The following ARFGEF2 variants were observed in gnomAD, a reference collection of about 807,000 sequenced individuals.
ARFGEF2 encodes ARF guanine nucleotide exchange factor 2.
Under a neutral mutation model 219.9 loss-of-function variants are expected in ARFGEF2, and 74 were observed. The ratio of observed to expected loss-of-function variants is 0.34; its 90% CI spans 0.28 to 0.41. ARFGEF2 has a LOEUF of 0.41. Among genes scored for constraint, ARFGEF2 ranks in the 10% least tolerant of loss-of-function variants. The probability of loss-of-function intolerance (pLI) is 1.00; values close to 1 mark genes in which losing one functional copy is unlikely to be tolerated. For missense variants in ARFGEF2, 1,743 were observed against 2,218.3 expected, an observed-to-expected ratio of 0.79 and a Z score of 4.30; for synonymous variants, 733 against 799.2, an observed-to-expected ratio of 0.92 and a Z score of 1.40.
intron 26 of ARFGEF2, among the ~76,000 whole-genome samples, chr20:49,008,561 C>A (rs868522576): frequency 1.9e-4 from 27 of 140,334 alleles, no homozygotes; most frequent in African/African-American, 2.3e-4. Flanking sequence ...AACTCCATCT[C>A]AAAAAAAAAA....
chr20:48,933,088 G>T (rs576038667), intron 1 of ARFGEF2, among the ~76,000 whole-genome samples: 2 of 152,256 alleles, frequency 1.3e-5, no homozygotes, highest in South Asian at 4.1e-4. Flanking sequence ...TGACCCGAGC[G>T]GTAACATCCA....
intron 1 of ARFGEF2, among the ~76,000 whole-genome samples, chr20:48,936,270 C>T (rs1276706692): frequency 6.8e-6 from 1 of 147,954 alleles, no homozygotes; most frequent in Non-Finnish European, 1.5e-5. Context: ...CCACCCCTGC[C>T]GGACGGGGCG....
intron 36 of ARFGEF2, among the ~76,000 whole-genome samples, chr20:49,027,114 C>T (rs1011655922): frequency 8.6e-5 from 13 of 150,842 alleles, no homozygotes; most frequent in African/African-American, 2.9e-4. Flanking sequence ...GAGATGGAGT[C>T]TCACTCTGTT....
chr20:49,020,816 T>C (rs543382612), intron 34 of ARFGEF2, among the ~76,000 whole-genome samples: 6 of 152,218 alleles, frequency 3.9e-5, no homozygotes, highest in East Asian at 1.9e-4. Context: ...TTTCTTTCAA[T>C]AGGAGAAGCA....
At chr20:49,004,657 C>T (rs757112376) in intron 25 of ARFGEF2, among the ~76,000 whole-genome samples, 14 of 149,840 alleles carry the variant, frequency 9.3e-5, no homozygotes, top group African/African-American at 2.5e-4. Flanking sequence ...AAAAATCAGC[C>T]GGCAGGCACC....
rs1481772977 is a variant in ARFGEF2, at chr20:48,973,408, C to A, written c.1665+124C>A. On this transcript the variant is annotated intron_variant, in intron 12 of 38. Coordinates refer to ENST00000371917, the MANE Select transcript of ARFGEF2 (RefSeq NM_006420.3). ...AGTGAACAAAACAGGAATGCATATT[C>A]ACACACTTCCTGCCATCATGAAACG... 4 of 984,832 alleles carry A rather than the reference C, an allele frequency of 4.1e-6. No homozygotes were observed. In the East Asian group the frequency reaches 1.0e-4, roughly 26 times the overall value. 61.0% of individuals were successfully genotyped at this position (984,832 alleles called of 1,614,324 possible). A position where few individuals can be genotyped will look rare whatever the true frequency, so the allele number is the denominator to read the frequency against.
At chr20:48,924,405 G>A (rs1040114814) in intron 1 of ARFGEF2, among the ~76,000 whole-genome samples, 3 of 151,772 alleles carry the variant, frequency 2.0e-5, no homozygotes, top group Non-Finnish European at 4.4e-5. Flanking sequence ...CCACCTACTC[G>A]GGAGGCTGAG....
In ARFGEF2 at chr20:49,004,887, G is replaced by A. The variant is rs370743847; in HGVS notation, c.3433-183G>A. On this transcript the variant is annotated intron_variant, in intron 25 of 38. Coordinates refer to ENST00000371917, the MANE Select transcript of ARFGEF2 (RefSeq NM_006420.3). ...TAATTAACTATGCAATACTGATTTC[G>A]TCATTACACTTAAAATAAAACTGGA... Among the ~76,000 whole-genome samples, 48 of 152,242 alleles carry A rather than the reference G, an allele frequency of 3.2e-4. 1 individual carries two copies. Among genetic ancestry groups the A allele is most frequent in the African/African-American group, 9.4e-4 (39 of 41,548 alleles).
intron 27 of ARFGEF2, 77 bp downstream of exon 27, chr20:49,010,481 A>T (rs1207007270): frequency 3.8e-5 from 59 of 1,553,486 alleles, no homozygotes; most frequent in Non-Finnish European, 6.2e-6. Flanking sequence ...CTATTTTACT[A>T]CCTACAGGGG....
chr20:48,965,981 G>C lies in ARFGEF2; in HGVS notation c.1017G>C (p.Gly339=), dbSNP rs765982548. The part of the protein sequence containing the change: ...PGVDENSQTN[G]IADDRQSLSS... ...TTGATGAAAACTCACAGACCAACGGGATAGCCGATGACAGGCAGTCCTTGT... is the reference window on the plus strand; with the variant it reads ...TTGATGAAAACTCACAGACCAACGGCATAGCCGATGACAGGCAGTCCTTGT... Residue 339 remains glycine, a synonymous_variant, in exon 8 of 39, where the codon GGG becomes GGC. Coordinates refer to ENST00000371917, the MANE Select transcript of ARFGEF2 (RefSeq NM_006420.3). The C allele has an allele frequency of 2.8e-5, 45 of 1,614,054 alleles. 1 individual carries two copies. In the South Asian group the frequency reaches 4.4e-4, roughly 16 times the overall value.
chr20:49,033,404 A>T lies in ARFGEF2; in HGVS notation c.*205A>T. On this transcript the variant is annotated 3_prime_UTR_variant, in exon 39 of 39. Transcript: ENST00000371917. Reference sequence around the variant, plus strand: ...TCATTAAACTGTTGCATACCCAGTTAGCACAGTAGGTGGGGAGTCTGCTTC... The same window carrying T: ...TCATTAAACTGTTGCATACCCAGTTTGCACAGTAGGTGGGGAGTCTGCTTC... The T allele has an allele frequency of 1.7e-6, 1 of 584,864 alleles. No homozygotes were observed. The highest frequency in any genetic ancestry group is 3.0e-6 in the Non-Finnish European group (1 of 329,694). 36.2% of individuals were successfully genotyped at this position (584,864 alleles called of 1,614,324 possible). A position where few individuals can be genotyped will look rare whatever the true frequency, so the allele number is the denominator to read the frequency against.
At chr20:48,948,285 C>T (rs1192917587) in intron 3 of ARFGEF2, among the ~76,000 whole-genome samples, 3 of 152,080 alleles carry the variant, frequency 2.0e-5, no homozygotes, top group African/African-American at 4.8e-5. Flanking sequence ...CATTCAACAC[C>T]GTTATCAGGC....
intron 21 of ARFGEF2, among the ~76,000 whole-genome samples, chr20:48,991,961 A>G (rs373676170): frequency 6.6e-6 from 1 of 152,226 alleles, no homozygotes; most frequent in African/African-American, 2.4e-5. Flanking sequence ...TACAGGAAAT[A>G]CAGTGGACAG....
intron 1 of ARFGEF2, among the ~76,000 whole-genome samples, chr20:48,934,119 C>CAAA (rs11476863): frequency 3.0e-4 from 17 of 56,148 alleles, no homozygotes; most frequent in South Asian, 1.9e-3. Context: ...GACTTCATCT[C>CAAA]AAAAAAAAAA....
At chr20:49,026,429 G>A (rs2091603153) in intron 36 of ARFGEF2, among the ~76,000 whole-genome samples, 1 of 151,972 alleles carries the variant, frequency 6.6e-6, no homozygotes, top group African/African-American at 2.4e-5. Flanking sequence ...AATTTTCCAA[G>A]CCTTATATTT....
intron 27 of ARFGEF2, 130 bp from the exon 28 acceptor site, chr20:49,011,794 C>A: frequency 8.9e-7 from 1 of 1,129,900 alleles, no homozygotes; most frequent in South Asian, 1.2e-5. Flanking sequence ...TACTGACATG[C>A]TTTTCTTAGA....
intron 2 of ARFGEF2, 106 bp downstream of exon 2, chr20:48,941,335 G>A (rs1487191755): frequency 8.3e-7 from 1 of 1,203,654 alleles, no homozygotes; most frequent in African/African-American, 1.5e-5. Context: ...TAATCCTCAG[G>A]GGTGGCACAC....
chr20:48,957,163 A>T lies in ARFGEF2; in HGVS notation c.838+3373A>T, dbSNP rs149570419. Reference sequence around the variant, plus strand: ...GAAAGAGGAAGAGATAGGACTGAAGAACTCTGCCAGCTGAGTCACCCCCCT... The same window carrying T: ...GAAAGAGGAAGAGATAGGACTGAAGTACTCTGCCAGCTGAGTCACCCCCCT... On this transcript the variant is annotated intron_variant, in intron 6 of 38. Transcript: ENST00000371917. 1.5e-3 allele frequency among the ~76,000 whole-genome samples: 223 copies of T among 152,296 alleles called. 4 individuals are homozygous for T. In the East Asian group the frequency reaches 0.032, roughly 22 times the overall value.
chr20:48,985,568 G>C lies in ARFGEF2; in HGVS notation c.2231G>C (p.Arg744Pro). 6.2e-7 allele frequency: 1 copy of C among 1,614,192 alleles called. No individual in the cohort carries two copies. The highest frequency in any genetic ancestry group is 8.5e-7 in the Non-Finnish European group (1 of 1,180,038). Residue 744 changes from arginine (R) to proline (P), a missense_variant, in exon 16 of 39, where the codon CGA (arginine) becomes CCA (proline). By Grantham distance (103) the Arg-to-Pro change is moderately radical. Around this residue, in one of 5 missense-constraint regions of ARFGEF2, gnomAD observed 666 missense variants for 955.4 expected, o/e 0.70. Coordinates refer to ENST00000371917, the MANE Select transcript of ARFGEF2 (RefSeq NM_006420.3). ...CCTGGAGAAGCCCAAAAGATTGACCGATTAATGGAGAAGTTTGCCGCAAGA... is the reference window on the plus strand; with the variant it reads ...CCTGGAGAAGCCCAAAAGATTGACCCATTAATGGAGAAGTTTGCCGCAAGA... ...RLPGEAQKID[R>P]LMEKFAARYI... is the part of the protein sequence containing the mutation.
Sources: gnomAD v4.1 joint callset for allele counts (sites outside exome capture counted in the v4.1 genomes callset) on GRCh38, gnomAD v4.1.1 for gene constraint, gnomAD v4.1.1 regional missense constraint, MANE v1.5 for transcripts, NCBI Gene and HGNC (gene_info 2026-07-23, HGNC 2026-07-21) for gene names.